TLN2: variants seen among roughly 807,000 people sequenced by gnomAD.
TLN2 encodes talin 2.
Under a neutral mutation model 294.7 loss-of-function variants are expected in TLN2, and 118 were observed. The ratio of observed to expected loss-of-function variants is 0.40; its 90% CI spans 0.34 to 0.47. TLN2 has a LOEUF of 0.47. Ranked by LOEUF, TLN2 falls within the 20% of genes least tolerant of loss-of-function variation. The pLI, the probability that TLN2 is intolerant of heterozygous loss-of-function variation, is 0.84. For synonymous variants in TLN2, 1,431 were observed against 1,304.5 expected (o/e 1.10, Z -2.09); for missense variants, 3,083 against 3,282.2 (o/e 0.94, Z 1.48).
chr15:62,701,108 A>G lies in TLN2; in HGVS notation c.1590A>G (p.Ala530=), dbSNP rs920418963. 6 of 1,613,792 alleles carry G rather than the reference A, an allele frequency of 3.7e-6. No individual in the cohort carries two copies. Among genetic ancestry groups the G allele is most frequent in the Non-Finnish European group, 4.2e-6 (5 of 1,179,902 alleles). ...DSLPPLGQDM[A]SRVWVQNKVD... ...TGTGCCGTTGTCTGGCTTTGCAGGC[A>G]TCTAGGGTATGGGTTCAGAACAAAG... The change falls in exon 17 of 59, where the codon GCA becomes GCG. Residue 530 remains alanine (A), a splice_region_variant and synonymous_variant. Transcript: ENST00000636159.
intron 29 of TLN2, 122 bp from the exon 30 acceptor site, chr15:62,738,092 C>A (rs1451973565): frequency 1.9e-6 from 2 of 1,063,508 alleles, no homozygotes; most frequent in Non-Finnish European, 2.7e-6. Flanking sequence ...GTAAGAGTGG[C>A]AGGTGGATGC....
chr15:62,582,653 G>C (rs772696180), intron 1 of TLN2, among the ~76,000 whole-genome samples: 2 of 152,176 alleles, frequency 1.3e-5, no homozygotes, highest in African/African-American at 2.4e-5. Flanking sequence ...GACATAAGGT[G>C]CACTGGCTTA....
intron 10 of TLN2, 64 bp from the exon 11 acceptor site, chr15:62,675,153 T>C: frequency 6.8e-7 from 1 of 1,479,822 alleles, no homozygotes; most frequent in Non-Finnish European, 9.4e-7. Context: ...AGTAACTACC[T>C]CTCTCCAAGT....
intron 1 of TLN2, among the ~76,000 whole-genome samples, chr15:62,521,239 A>G (rs2040441694): frequency 6.6e-6 from 1 of 152,126 alleles, no homozygotes; most frequent in African/African-American, 2.4e-5. Context: ...AATTTTTGAC[A>G]TCTGTGCAGT....
chr15:62,590,935 T>C (rs979459628), intron 2 of TLN2, among the ~76,000 whole-genome samples: 12 of 152,040 alleles, frequency 7.9e-5, no homozygotes, highest in Non-Finnish European at 1.5e-4. Flanking sequence ...GCCTCTACTT[T>C]AAAATTTTGT....
At chr15:62,647,536 C>T (rs764065913) in intron 4 of TLN2, 90 bp downstream of exon 4, 65 of 1,559,138 alleles carry the variant, frequency 4.2e-5, no homozygotes, top group Non-Finnish European at 5.6e-5. Context: ...AAGTGGTACA[C>T]AAGCCTATTA....
rs534515517 is a variant in TLN2 at position 62,617,478 on chromosome 15, G to A, written c.-161-873G>A. ...CTATCCTTGTTTGCACATTTATAGG[G>A]AGCTATTAGCAGACAAGAAACACGA... On this transcript the variant is annotated intron_variant, in intron 2 of 58. Transcript: ENST00000636159. 1.1e-4 allele frequency among the ~76,000 whole-genome samples: 16 copies of A among 152,276 alleles called. No homozygotes were observed. The South Asian group carries it at 3.3e-3, about 32-fold the overall frequency.
At chr15:62,542,524 G>A (rs2140525843) in intron 1 of TLN2, among the ~76,000 whole-genome samples, 2 of 152,258 alleles carry the variant, frequency 1.3e-5, no homozygotes, top group Admixed American at 1.3e-4. Flanking sequence ...TTGACTGCAG[G>A]CAACTGAAAC....
chr15:62,439,238 A>G (rs2035433489), intron 1 of TLN2, among the ~76,000 whole-genome samples: 1 of 152,192 alleles, frequency 6.6e-6, no homozygotes, highest in Non-Finnish European at 1.5e-5. Context: ...GTCACATGTG[A>G]TAAAACCTAT....
chr15:62,427,082 G>A (rs1373177346), intron 1 of TLN2, among the ~76,000 whole-genome samples: 1 of 152,164 alleles, frequency 6.6e-6, no homozygotes, highest in Non-Finnish European at 1.5e-5. Flanking sequence ...AGTGATTGGA[G>A]GTATCAGGAG....
intron 1 of TLN2, among the ~76,000 whole-genome samples, chr15:62,408,647 A>G (rs781253600): frequency 1.8e-4 from 28 of 152,278 alleles, no homozygotes; most frequent in Non-Finnish European, 4.0e-4. Context: ...AGTAAAATAC[A>G]TGGTTTCTTA....
At chr15:62,810,942 C>G (rs1056235675) in intron 52 of TLN2, among the ~76,000 whole-genome samples, 5 of 152,208 alleles carry the variant, frequency 3.3e-5, no homozygotes, top group African/African-American at 1.2e-4. Context: ...CCTTCATTTG[C>G]TGGGCATTCT....
At chr15:62,785,548 A>C (rs1233170727) in intron 45 of TLN2, among the ~76,000 whole-genome samples, 1 of 151,324 alleles carries the variant, frequency 6.6e-6, no homozygotes, top group African/African-American at 2.4e-5. Flanking sequence ...GCTACTTAGA[A>C]GGTTGAGCCA....
chr15:62,568,420 A>G (rs2043590816), intron 1 of TLN2, among the ~76,000 whole-genome samples: 1 of 152,202 alleles, frequency 6.6e-6, no homozygotes, highest in Admixed American at 6.5e-5. Context: ...GGAACATTGA[A>G]CGATTATTTT....
In TLN2 at chr15:62,675,205, T is replaced by C. The variant is rs762875659; in HGVS notation, c.853-12T>C. 4 of 1,613,884 alleles carry C rather than the reference T, an allele frequency of 2.5e-6. No homozygotes were observed. The highest frequency in any genetic ancestry group is 3.4e-6 in the Non-Finnish European group (4 of 1,179,792). On this transcript the variant is annotated splice_polypyrimidine_tract_variant and intron_variant, in intron 10 of 58. Transcript: ENST00000636159. ...ATGCAATAACTGGTCCCGACCACTGTCACTTTTGCAGGAGCATAAGAACTG... is the reference window on the plus strand; with the variant it reads ...ATGCAATAACTGGTCCCGACCACTGCCACTTTTGCAGGAGCATAAGAACTG...
chr15:62,727,427 A>G (rs1474777547), intron 28 of TLN2, among the ~76,000 whole-genome samples: 1 of 152,226 alleles, frequency 6.6e-6, no homozygotes, highest in African/African-American at 2.4e-5. Flanking sequence ...ATAAAGAAAT[A>G]GTAATTGTAG....
At chr15:62,649,933 T>C in intron 4 of TLN2, 151 bp from the exon 5 acceptor site, 1 of 703,114 alleles carries the variant, frequency 1.4e-6, no homozygotes, top group Non-Finnish European at 2.4e-6. Flanking sequence ...GCTCCAGCCC[T>C]GATGGCTGCT....
chr15:62,416,293 T>C (rs2034079781), intron 1 of TLN2, among the ~76,000 whole-genome samples: 3 of 152,174 alleles, frequency 2.0e-5, no homozygotes, highest in South Asian at 4.1e-4. Context: ...CAAGACTCTA[T>C]CTCAAACAAT....
chr15:62,472,547 G>A (rs2037540393), intron 1 of TLN2, among the ~76,000 whole-genome samples: 1 of 152,172 alleles, frequency 6.6e-6, no homozygotes, highest in Admixed American at 6.5e-5. Context: ...GGGTTCAAAT[G>A]TTGCTTGATG....
Sources: gnomAD v4.1 joint callset for allele counts (sites outside exome capture counted in the v4.1 genomes callset) on GRCh38, gnomAD v4.1.1 for gene constraint, MANE v1.5 for transcripts, NCBI Gene and HGNC (gene_info 2026-07-23, HGNC 2026-07-21) for gene names.